Variants in PRELID2 observed in about 807,000 individuals in gnomAD.
PRELID2 encodes PRELI domain containing 2.
In PRELID2, 25 loss-of-function variants were observed where a neutral mutation model predicts 28.4. The observed-to-expected ratio is 0.88, with a 90% CI of 0.64 to 1.23. The LOEUF is 1.23. Among genes scored for constraint, PRELID2 ranks in the 50% most tolerant of loss-of-function variants. The pLI, the probability that PRELID2 is intolerant of heterozygous loss-of-function variation, is 0.00. For missense variants in PRELID2, 201 were observed against 214.4 expected, an observed-to-expected ratio of 0.94 and a Z score of 0.39; for synonymous variants, 76 against 71.6, an observed-to-expected ratio of 1.06 and a Z score of -0.31.
At chr5:145,450,553 A>C in the PRELID2 span, 1 of 152,130 alleles carries the variant, frequency 6.6e-6, no homozygotes, top group Middle Eastern at 3.2e-3. Context: ...CCAGGCCATG[A>C]CCACAAAATC....
At chr5:145,455,468 T>C in the PRELID2 span, among the ~76,000 whole-genome samples, 3 of 152,224 alleles carry the variant, frequency 2.0e-5, no homozygotes, top group South Asian at 6.2e-4. Context: ...TAGTTATTTC[T>C]AACTCTGTGA....
chr5:145,606,895 CTT>C (rs1166076992), intron 1 of PRELID2, among the ~76,000 whole-genome samples: 1 of 151,922 alleles, frequency 6.6e-6, no homozygotes, highest in Admixed American at 6.6e-5. Flanking sequence ...GGTTGGTAGA[CTT>C]TTTATTACTG....
At chr5:145,752,622 G>A (rs1757153464), downstream of PRELID2, among the ~76,000 whole-genome samples, 1 of 152,242 alleles carries the variant, frequency 6.6e-6, no homozygotes, top group East Asian at 1.9e-4. Flanking sequence ...AGACAATAGA[G>A]GTTTTCCTCC....
intron 1 of PRELID2, among the ~76,000 whole-genome samples, chr5:145,649,447 A>G (rs968313582): frequency 6.6e-6 from 1 of 152,240 alleles, no homozygotes; most frequent in African/African-American, 2.4e-5. Flanking sequence ...AACACATTTA[A>G]GGTAGACCAG....
chr5:145,424,784 G>A, the PRELID2 span, among the ~76,000 whole-genome samples: 3 of 152,132 alleles, frequency 2.0e-5, no homozygotes, highest in African/African-American at 7.2e-5. Flanking sequence ...ATGGATTTAA[G>A]AGTTAAATGT....
chr5:145,781,590 ATATAG>A (rs1224600984), intron 5 of PRELID2, among the ~76,000 whole-genome samples: 1 of 148,224 alleles, frequency 6.7e-6, no homozygotes, highest in African/African-American at 2.5e-5. Flanking sequence ...GTATATAGAT[ATATAG>A]TATATCTATA....
intron 1 of PRELID2, among the ~76,000 whole-genome samples, chr5:145,653,077 C>CAA (rs1273839171): frequency 4.0e-5 from 6 of 150,662 alleles, no homozygotes; most frequent in Non-Finnish European, 8.9e-5. Flanking sequence ...AAATGGAAAA[C>CAA]AAAAAAAGGC....
At chr5:145,281,457 C>A in the PRELID2 span, among the ~76,000 whole-genome samples, 2 of 152,160 alleles carry the variant, frequency 1.3e-5, no homozygotes, top group African/African-American at 4.8e-5. Flanking sequence ...CCAATTTAAG[C>A]AGTGCATGCT....
chr5:145,705,732 C>G (rs1755528394), intron 1 of PRELID2, among the ~76,000 whole-genome samples: 1 of 152,074 alleles, frequency 6.6e-6, no homozygotes. Context: ...GAGGAAGCAG[C>G]TATAGATAAT....
At chr5:145,352,189 C>T in the PRELID2 span, among the ~76,000 whole-genome samples, 1 of 152,216 alleles carries the variant, frequency 6.6e-6, no homozygotes, top group Non-Finnish European at 1.5e-5. Context: ...TCCAACTCCA[C>T]CTTTCCCTTC....
chr5:145,400,599 C>T, the PRELID2 span, among the ~76,000 whole-genome samples: 24 of 152,212 alleles, frequency 1.6e-4, no homozygotes, highest in Admixed American at 5.9e-4. Context: ...CAGGAACATA[C>T]ATCATTTTCC....
intron 1 of PRELID2, among the ~76,000 whole-genome samples, chr5:145,618,132 G>A (rs1753726974): frequency 6.6e-6 from 1 of 151,894 alleles, no homozygotes; most frequent in Admixed American, 6.6e-5. Flanking sequence ...ACCTTTCTCT[G>A]GTGCCTTCCT....
At chr5:145,593,131 G>A (rs1029383312) in intron 1 of PRELID2, among the ~76,000 whole-genome samples, 1 of 152,126 alleles carries the variant, frequency 6.6e-6, no homozygotes, top group African/African-American at 2.4e-5. Flanking sequence ...TCCTGAATAT[G>A]GATTGGAAGT....
chr5:145,640,299 C>T (rs748664259), intron 1 of PRELID2, among the ~76,000 whole-genome samples: 31 of 151,824 alleles, frequency 2.0e-4, no homozygotes, highest in Non-Finnish European at 3.4e-4. Flanking sequence ...ACGGTGAAAC[C>T]CCGTCTCTAC....
At chr5:145,229,647 G>A in the PRELID2 span, 5 of 889,820 alleles carry the variant, frequency 5.6e-6, no homozygotes, top group South Asian at 5.2e-5. Context: ...CCAGACAAAG[G>A]CCCAAGGTAT....
At chr5:145,812,095 C>G (rs752574190) in intron 4 of PRELID2, among the ~76,000 whole-genome samples, 10 of 152,044 alleles carry the variant, frequency 6.6e-5, no homozygotes, top group Non-Finnish European at 1.5e-4. Flanking sequence ...GCTGATTGGT[C>G]TGGGGGAGCA....
intron 2 of PRELID2, among the ~76,000 whole-genome samples, chr5:145,472,867 A>G (rs149250790): frequency 6.6e-6 from 1 of 152,148 alleles, no homozygotes. Context: ...TAGAGTCACA[A>G]TTCTGTGGGC....
chr5:145,526,309 T>A (rs1281537357), intron 1 of PRELID2, among the ~76,000 whole-genome samples: 2 of 152,156 alleles, frequency 1.3e-5, no homozygotes, highest in Non-Finnish European at 2.9e-5. Context: ...ACCTCTTAAC[T>A]ACTCTGTAAC....
chr5:145,802,241 T>G (rs1753184878), intron 4 of PRELID2, among the ~76,000 whole-genome samples: 1 of 152,230 alleles, frequency 6.6e-6, no homozygotes, highest in African/African-American at 2.4e-5. Context: ...TTATCAACAG[T>G]GCTGTTATGA....
Sources: gnomAD v4.1 joint callset for allele counts (sites outside exome capture counted in the v4.1 genomes callset) on GRCh38, gnomAD v4.1.1 for gene constraint, MANE v1.5 for transcripts, NCBI Gene and HGNC (gene_info 2026-07-23, HGNC 2026-07-21) for gene names.